ADAM11: variants seen among roughly 807,000 people sequenced by gnomAD.
The protein encoded by ADAM11 is disintegrin and metalloproteinase domain-containing protein 11.
A neutral mutation model predicts 119.1 loss-of-function variants in ADAM11; 49 were observed. The observed-to-expected ratio is 0.41, with a 90% CI of 0.33 to 0.52. ADAM11 has a LOEUF of 0.52. Ranked by LOEUF, ADAM11 falls within the 20% of genes least tolerant of loss-of-function variation. ADAM11 has a pLI of 0.20. For missense variants in ADAM11, 777 were observed against 1,047.5 expected, an observed-to-expected ratio of 0.74 and a Z score of 3.56; for synonymous variants, 364 against 408.0, an observed-to-expected ratio of 0.89 and a Z score of 1.30.
intron 2 of ADAM11, among the ~76,000 whole-genome samples, chr17:44,763,316 C>T (rs1411451062): frequency 6.6e-6 from 1 of 152,242 alleles, no homozygotes; most frequent in Non-Finnish European, 1.5e-5. Context: ...AACGTAACTG[C>T]CCCAAGTGAC....
Position 44,769,750 on chromosome 17 carries a change from C to G in ADAM11, c.270C>G (p.Ile90Met). 1 of 1,614,126 alleles carries G rather than the reference C, an allele frequency of 6.2e-7. No homozygotes were observed. Among genetic ancestry groups the G allele is most frequent in the Non-Finnish European group, 8.5e-7 (1 of 1,179,994 alleles). ...ATCTGGCCCAGGTGAGTTTCGTCATCCCAGCCTTCAACTCAAACTTCACCC... is the reference window on the plus strand; with the variant it reads ...ATCTGGCCCAGGTGAGTTTCGTCATGCCAGCCTTCAACTCAAACTTCACCC... ...PVHLAQVSFV[I>M]PAFNSNFTLD... Residue 90 changes from isoleucine (I) to methionine (M), a missense_variant, in exon 3 of 27, where the codon ATC becomes ATG. Physicochemically the swap from Ile to Met is conservative, Grantham distance 10. Around this residue, in one of 4 missense-constraint regions of ADAM11, gnomAD observed 278 missense variants for 310.1 expected, o/e 0.90. Transcript: ENST00000200557.
chr17:44,764,716 C>G (rs2049426704), intron 2 of ADAM11, among the ~76,000 whole-genome samples: 1 of 152,174 alleles, frequency 6.6e-6, no homozygotes, highest in Non-Finnish European at 1.5e-5. Flanking sequence ...TGAACACCAC[C>G]TTCCTCATTC....
At position 44,759,338 on chromosome 17, in the gene ADAM11, C is replaced by G. The variant is rs986250926; in HGVS notation, c.61+78C>G. 4 of 1,312,774 alleles carry G rather than the reference C, an allele frequency of 3.0e-6. No individual in the cohort carries two copies. In the African/African-American group the frequency reaches 6.2e-5, roughly 20 times the overall value. The allele number at this position is 1,312,774 out of a possible 1,614,324, so 81.3% of individuals were successfully genotyped here. ...TGTGCGGCGCTTGCTGCTGCAGCCA[C>G]CTTTTCCTGCAGTGCTCGGGGTGAC... On this transcript the variant is annotated intron_variant, in intron 1 of 26. Transcript: ENST00000200557.
At chr17:44,764,917 G>A (rs1466604352) in intron 2 of ADAM11, among the ~76,000 whole-genome samples, 2 of 152,002 alleles carry the variant, frequency 1.3e-5, no homozygotes. Flanking sequence ...GGATATTTAG[G>A]GGTTACTTGT....
At chr17:44,774,803 G>T in intron 14 of ADAM11, 54 bp downstream of exon 14, 1 of 1,576,888 alleles carries the variant, frequency 6.3e-7, no homozygotes, top group Non-Finnish European at 8.6e-7. Context: ...GAGTCTTAGA[G>T]CGAGCATTGT....
intron 26 of ADAM11, chr17:44,779,480 G>A: frequency 2.0e-6 from 2 of 985,418 alleles, no homozygotes; most frequent in South Asian, 4.7e-5. Flanking sequence ...CCCTGCTGCG[G>A]CCAGGCCCTC....
chr17:44,765,591 G>A (rs1156509360), intron 2 of ADAM11, among the ~76,000 whole-genome samples: 1 of 134,998 alleles, frequency 7.4e-6, no homozygotes, highest in Non-Finnish European at 1.6e-5. Flanking sequence ...CAGCAATCCT[G>A]GTTTTTCTTT....
chr17:44,760,681 G>A (rs1249513267), intron 2 of ADAM11, among the ~76,000 whole-genome samples: 1 of 152,168 alleles, frequency 6.6e-6, no homozygotes, highest in Non-Finnish European at 1.5e-5. Flanking sequence ...GGCACAAACA[G>A]GAGGTATAGG....
rs1173695568 is a variant in ADAM11, at chr17:44,781,344, G to A, written c.*1590G>A. 6.6e-6 allele frequency: 1 copy of A among 152,248 alleles called. No individual in the cohort carries two copies. The highest frequency in any genetic ancestry group is 1.5e-5 in the Non-Finnish European group (1 of 68,064). The allele number at this position is 152,248 out of a possible 1,614,324, so 9.4% of individuals were successfully genotyped here. ...GACAGCAGTGGGGTCCACACACTGA[G>A]CTCCAGCTGGCACTGCCCACTCAAG... On this transcript the variant is annotated 3_prime_UTR_variant, in exon 27 of 27. Transcript: ENST00000200557.
At chr17:44,768,937 C>A (rs16969079) in intron 2 of ADAM11, among the ~76,000 whole-genome samples, 17,966 of 152,214 alleles carry the variant, frequency 0.12, 1,258 homozygotes, top group South Asian at 0.24. Context: ...GTGATCCAGG[C>A]GTCCTCAAGC....
In ADAM11 at chr17:44,776,265, G is replaced by T. The variant is rs2049600633; in HGVS notation, c.1566+58G>T. On this transcript the variant is annotated intron_variant, in intron 18 of 26. Transcript: ENST00000200557. This position sits in a 1 kb window ranked among gnomAD's most constrained non-coding sequence, Gnocchi z 5.2. The stretch of plus-strand genomic sequence containing the variant: ...GGGCGAGGCAACCCCTACCCTTGTC[G>T]ATTTGGTTTTCCCGGACGAGTGCTC... The T allele has an allele frequency of 3.8e-6, 6 of 1,594,062 alleles. No homozygotes were observed. In the South Asian group the frequency reaches 5.5e-5, roughly 15 times the overall value.
At position 44,769,769 on chromosome 17, in the gene ADAM11, T is replaced by G. The variant is rs755921888; in HGVS notation, c.289T>G (p.Phe97Val). The change falls in exon 3 of 27, where the codon TTC becomes GTC. Residue 97 changes from phenylalanine to valine, a missense_variant. Coordinates refer to ENST00000200557, the MANE Select transcript of ADAM11 (RefSeq NM_002390.6). Reference protein sequence around the residue: ...SFVIPAFNSNFTLDLELNHHL... With the variant: ...SFVIPAFNSNVTLDLELNHHL... ...CGTCATCCCAGCCTTCAACTCAAAC[T>G]TCACCCTGGACCTGGAGCTGAACCA... 8.1e-6 allele frequency: 13 copies of G among 1,613,974 alleles called. No homozygotes were observed. The highest frequency in any genetic ancestry group is 4.0e-5 in the African/African-American group (3 of 74,926).
chr17:44,772,278 C>T lies in ADAM11; in HGVS notation c.555C>T (p.Pro185=). Residue 185 remains proline, a synonymous_variant, in exon 7 of 27, where the codon CCC becomes CCT. Transcript: ENST00000200557. This position sits in a 1 kb window ranked among gnomAD's most constrained non-coding sequence, Gnocchi z 4.5. ...GPWGAPQGPL[P]HLIYRTPLLP... The stretch of plus-strand genomic sequence containing the variant: ...TCCCCTCATTGCAGGGACCCCTTCC[C>T]CACCTCATTTACCGGACCCCTCTCC... 6.2e-7 allele frequency: 1 copy of T among 1,608,792 alleles called. No individual in the cohort carries two copies. Among genetic ancestry groups the T allele is most frequent in the South Asian group, 1.1e-5 (1 of 89,924 alleles).
At chr17:44,764,929 A>C (rs1423386198) in intron 2 of ADAM11, among the ~76,000 whole-genome samples, 3 of 151,946 alleles carry the variant, frequency 2.0e-5, no homozygotes, top group Non-Finnish European at 4.4e-5. Context: ...GTTACTTGTC[A>C]GGCTCGGGGT....
In ADAM11 at chr17:44,776,411, C is replaced by T. The variant is rs922735184; in HGVS notation, c.1566+204C>T. ...CTTCAATCATTAAACCAGAATGTATCGTCTGGCTGGTATTCCCAGCGCCTG... is the reference window on the plus strand; with the variant it reads ...CTTCAATCATTAAACCAGAATGTATTGTCTGGCTGGTATTCCCAGCGCCTG... On this transcript the variant is annotated intron_variant, in intron 18 of 26. Coordinates refer to ENST00000200557, the MANE Select transcript of ADAM11 (RefSeq NM_002390.6). The surrounding 1 kb of genome is among the most constrained non-coding windows in gnomAD (Gnocchi z 5.2). Among the ~76,000 whole-genome samples the T allele has an allele frequency of 6.6e-5, 10 of 152,162 alleles. No homozygotes were observed. Among genetic ancestry groups the T allele is most frequent in the African/African-American group, 2.2e-4 (9 of 41,436 alleles).
In ADAM11 at chr17:44,778,713, A is replaced by AAAAAAAAAAAAAAAAAG. The variant is rs71136047; in HGVS notation, c.2276+471_2276+472insAAAAAAAAAAAAAAAAG. Among the ~76,000 whole-genome samples the AAAAAAAAAAAAAAAAAG allele has an allele frequency of 4.5e-3, 360 of 80,334 alleles. 56 individuals carry two copies. Among genetic ancestry groups the AAAAAAAAAAAAAAAAAG allele is most frequent in the Middle Eastern group, 8.2e-3 (1 of 122 alleles). The allele number at this position is 80,334 out of a possible 152,430, so 52.7% of individuals were successfully genotyped here. A position where few individuals can be genotyped will look rare whatever the true frequency, so the allele number is the denominator to read the frequency against. On this transcript the variant is annotated intron_variant, in intron 25 of 26. Coordinates refer to ENST00000200557, the MANE Select transcript of ADAM11 (RefSeq NM_002390.6). The stretch of plus-strand genomic sequence containing the variant: ...CAAAAAAAAAAAAAAAAAAAAAAAA[A>AAAAAAAAAAAAAAAAAG]GAAAGAAAGAGAGAAAGAAAAGAAA...
Position 44,775,222 on chromosome 17 carries a change from C to T in ADAM11, c.1231C>T (p.Pro411Ser), listed in dbSNP as rs2049582341. Residue 411 changes from proline (P) to serine (S), a missense_variant, in exon 15 of 27, where the codon CCC becomes TCC. Around this residue, in one of 4 missense-constraint regions of ADAM11, gnomAD observed 4 missense variants for 27.4 expected, o/e 0.15. Transcript: ENST00000200557. This position sits in a 1 kb window ranked among gnomAD's most constrained non-coding sequence, Gnocchi z 7.5. ...CIMEDTGFYL[P>S]RKFSRCSIDE... Reference sequence around the variant, plus strand: ...CCTCGCCCTATCCAGGTTCTACCTGCCCCGCAAGTTCTCGCGCTGTAGCAT... The same window carrying T: ...CCTCGCCCTATCCAGGTTCTACCTGTCCCGCAAGTTCTCGCGCTGTAGCAT... 6.2e-7 allele frequency: 1 copy of T among 1,613,510 alleles called. No individual in the cohort carries two copies. Among genetic ancestry groups the T allele is most frequent in the African/African-American group, 1.3e-5 (1 of 74,938 alleles).
rs73984074 is a variant in ADAM11, at chr17:44,780,311, C to A, written c.*557C>A. The stretch of plus-strand genomic sequence containing the variant: ...AACTGAGGTATGGCCATGCCCTAGA[C>A]CCTCCCCAAGGATGACCACACCCGA... On this transcript the variant is annotated 3_prime_UTR_variant, in exon 27 of 27. Transcript: ENST00000200557. 1,032 of 375,078 alleles carry A rather than the reference C, an allele frequency of 2.8e-3. 9 individuals are homozygous for A. The highest frequency in any genetic ancestry group is 0.021 in the African/African-American group (971 of 47,022). 23.2% of individuals were successfully genotyped at this position (375,078 alleles called of 1,614,324 possible). A position where few individuals can be genotyped will look rare whatever the true frequency, so the allele number is the denominator to read the frequency against.
At chr17:44,769,230 G>A (rs1274429001) in intron 2 of ADAM11, among the ~76,000 whole-genome samples, 5 of 152,174 alleles carry the variant, frequency 3.3e-5, no homozygotes, top group Admixed American at 6.5e-5. Flanking sequence ...GCCCCTGTCC[G>A]AGGCCTCCTA....
Sources: allele counts gnomAD v4.1 joint callset (sites outside exome capture counted in the v4.1 genomes callset), GRCh38; gene constraint gnomAD v4.1.1; regional missense constraint gnomAD v4.1.1; non-coding constraint Gnocchi (gnomAD v3.1); transcripts MANE v1.5; gene names NCBI Gene and HGNC (gene_info 2026-07-23, HGNC 2026-07-21).